The following CSMD1 variants were observed in gnomAD, a reference collection of about 807,000 sequenced individuals.
The protein encoded by CSMD1 is CUB and Sushi multiple domains 1.
A neutral mutation model predicts 417.5 loss-of-function variants in CSMD1; 213 were observed. That is an observed-to-expected ratio of 0.51 (90% CI 0.46 to 0.57). The LOEUF (loss-of-function observed/expected upper bound fraction) is 0.57. Among genes scored for constraint, CSMD1 ranks in the 20% least tolerant of loss-of-function variants. The probability of loss-of-function intolerance (pLI) is 0.00; values close to 1 mark genes in which losing one functional copy is unlikely to be tolerated. For synonymous variants in CSMD1, 2,862 were observed against 1,736.8 expected (o/e 1.65, Z -16.11); for missense variants, 6,923 against 4,529.7 (o/e 1.53, Z -15.17).
chr8:3,000,455 C>A (rs1053028902), intron 52 of CSMD1, among the ~76,000 whole-genome samples: 1 of 151,794 alleles, frequency 6.6e-6, no homozygotes, highest in African/African-American at 2.4e-5. Context: ...CAAAACAAAG[C>A]AAAAAGTAAA....
At position 3,786,056 on chromosome 8, in the gene CSMD1, G is replaced by C. The variant is rs1342003475; in HGVS notation, c.819-32014C>G. On this transcript the variant is annotated intron_variant, in intron 5 of 69. Transcript: ENST00000635120. ...GAAGGACGGAAGAAGTGATGTTTGG[G>C]AGGTGAGAATGAGCAGGCCTCATTG... is the stretch of plus-strand genomic sequence containing the variant. Among the ~76,000 whole-genome samples, 4 of 152,208 alleles carry C rather than the reference G, an allele frequency of 2.6e-5. No homozygotes were observed. The South Asian group carries it at 8.3e-4, about 32-fold the overall frequency.
intron 26 of CSMD1, among the ~76,000 whole-genome samples, chr8:3,252,344 G>A (rs1234541611): frequency 6.6e-6 from 1 of 152,168 alleles, no homozygotes; most frequent in Non-Finnish European, 1.5e-5. Context: ...CTTTGGTTCT[G>A]TTTATATGCT....
At chr8:3,351,246 A>G (rs1210798889) in intron 21 of CSMD1, among the ~76,000 whole-genome samples, 1 of 152,200 alleles carries the variant, frequency 6.6e-6, no homozygotes, top group Admixed American at 6.5e-5. Context: ...ACTCTAGGGT[A>G]GTGTGGCACA....
chr8:4,422,922 A>C (rs1797331338), intron 2 of CSMD1, among the ~76,000 whole-genome samples: 1 of 152,080 alleles, frequency 6.6e-6, no homozygotes, highest in Non-Finnish European at 1.5e-5. Context: ...CTAACAAAGT[A>C]AAATCACAAG....
intron 5 of CSMD1, among the ~76,000 whole-genome samples, chr8:3,928,359 C>T (rs966932164): frequency 6.9e-6 from 1 of 145,406 alleles, no homozygotes; most frequent in Non-Finnish European, 1.6e-5. Context: ...GATATATTGC[C>T]CTTTTTAAAG....
chr8:3,725,747 G>C (rs1306334532), intron 6 of CSMD1, among the ~76,000 whole-genome samples: 2 of 152,182 alleles, frequency 1.3e-5, no homozygotes, highest in Non-Finnish European at 2.9e-5. Context: ...TGTGTTGTTA[G>C]TGAGGGCAGA....
In CSMD1 at chr8:4,837,171, G is replaced by T. The variant is rs556877940; in HGVS notation, c.85+157161C>A. On this transcript the variant is annotated intron_variant, in intron 1 of 69. Coordinates refer to ENST00000635120, the MANE Select transcript of CSMD1 (RefSeq NM_033225.6). ...AATTGAAAAGACACTAACACATGCGGGTGAGGATGGGGAGAAAAGGAAACC... is the reference window on the plus strand; with the variant it reads ...AATTGAAAAGACACTAACACATGCGTGTGAGGATGGGGAGAAAAGGAAACC... Among the ~76,000 whole-genome samples the T allele has an allele frequency of 2.0e-5, 3 of 152,210 alleles. No homozygotes were observed. The South Asian group carries it at 6.2e-4, about 32-fold the overall frequency.
At chr8:4,716,550 A>C (rs1481235298) in intron 1 of CSMD1, among the ~76,000 whole-genome samples, 2 of 152,202 alleles carry the variant, frequency 1.3e-5, no homozygotes, top group African/African-American at 4.8e-5. Flanking sequence ...TTGACAGATA[A>C]ATTTTAGGCA....
At chr8:4,103,610 A>T (rs183285873) in intron 3 of CSMD1, among the ~76,000 whole-genome samples, 2 of 152,266 alleles carry the variant, frequency 1.3e-5, no homozygotes, top group African/African-American at 2.4e-5. Context: ...ATTTTCATGT[A>T]AACACTTGTG....
At chr8:4,060,366 C>A (rs1342211638) in intron 3 of CSMD1, among the ~76,000 whole-genome samples, 1 of 152,206 alleles carries the variant, frequency 6.6e-6, no homozygotes, top group Non-Finnish European at 1.5e-5. Context: ...TGGAAGCATT[C>A]CCTTTGCAAA....
chr8:3,091,769 G>C (rs2129008467), intron 47 of CSMD1, 107 bp from the exon 48 acceptor site: 1 of 868,446 alleles, frequency 1.2e-6, no homozygotes, highest in South Asian at 2.0e-5. Flanking sequence ...GCAATACACA[G>C]ATATAATTAT....
chr8:4,198,356 G>A (rs1303801681), intron 3 of CSMD1, among the ~76,000 whole-genome samples: 2 of 152,222 alleles, frequency 1.3e-5, no homozygotes, highest in Non-Finnish European at 2.9e-5. Flanking sequence ...TGCTAAGCCA[G>A]GAGCCTGAAC....
At chr8:3,660,331 A>C (rs1242426048) in intron 7 of CSMD1, among the ~76,000 whole-genome samples, 1 of 152,112 alleles carries the variant, frequency 6.6e-6, no homozygotes, top group African/African-American at 2.4e-5. Flanking sequence ...TTACAGGATT[A>C]TTGACAGGAC....
chr8:4,006,346 C>A (rs1460290148), intron 4 of CSMD1, among the ~76,000 whole-genome samples: 1 of 152,144 alleles, frequency 6.6e-6, no homozygotes. Flanking sequence ...CAGTTTGAGG[C>A]CAGCCTGGCC....
chr8:4,594,921 A>G (rs1438137174), intron 2 of CSMD1, among the ~76,000 whole-genome samples: 1 of 152,224 alleles, frequency 6.6e-6, no homozygotes, highest in Non-Finnish European at 1.5e-5. Context: ...TGGTTTAAAT[A>G]TTGAGACTAC....
In CSMD1 at chr8:3,439,137, A is replaced by C. The variant is rs1563390057; in HGVS notation, c.1562-29532T>G. 1.6e-5 allele frequency among the ~76,000 whole-genome samples: 2 copies of C among 129,032 alleles called. 1 individual carries two copies. The highest frequency in any genetic ancestry group is 6.5e-5 in the African/African-American group (2 of 30,720). 84.7% of individuals were successfully genotyped at this position (129,032 alleles called of 152,430 possible). On this transcript the variant is annotated intron_variant, in intron 12 of 69. Coordinates refer to ENST00000635120, the MANE Select transcript of CSMD1 (RefSeq NM_033225.6). ...GACTCCATCTCAAAAAAAAAAAAAAAAAAAAAAAAAAAAAACCAAGAAAAA... is the reference window on the plus strand; with the variant it reads ...GACTCCATCTCAAAAAAAAAAAAAACAAAAAAAAAAAAAAACCAAGAAAAA...
intron 50 of CSMD1, among the ~76,000 whole-genome samples, chr8:3,047,371 A>T (rs1348620739): frequency 1.3e-5 from 2 of 152,014 alleles, no homozygotes; most frequent in Non-Finnish European, 2.9e-5. Context: ...TGCTGTTTGC[A>T]TCCGGCCTTC....
At chr8:3,685,150 T>C (rs1799882612) in intron 7 of CSMD1, among the ~76,000 whole-genome samples, 1 of 152,206 alleles carries the variant, frequency 6.6e-6, no homozygotes, top group Non-Finnish European at 1.5e-5. Context: ...GATGTCATCA[T>C]TTCAGTCACA....
chr8:3,012,977 C>A (rs746973291), intron 52 of CSMD1, among the ~76,000 whole-genome samples: 1 of 152,130 alleles, frequency 6.6e-6, no homozygotes, highest in African/African-American at 2.4e-5. Flanking sequence ...AGTTCCCCTG[C>A]ACACGCTCTC....
Sources: gnomAD v4.1 joint callset for allele counts (sites outside exome capture counted in the v4.1 genomes callset) on GRCh38, gnomAD v4.1.1 for gene constraint, MANE v1.5 for transcripts, NCBI Gene and HGNC (gene_info 2026-07-23, HGNC 2026-07-21) for gene names.